The following UBAC2 variants were observed in gnomAD, a reference collection of about 807,000 sequenced individuals.
UBAC2 encodes ubiquitin-associated domain-containing protein 2.
Under a neutral mutation model 44.0 loss-of-function variants are expected in UBAC2, and 26 were observed. The observed-to-expected ratio is 0.59, with a 90% CI of 0.43 to 0.82. The LOEUF is 0.82. UBAC2 is among the 40% of genes least tolerant of loss of function. UBAC2 has a pLI of 0.00. For synonymous variants in UBAC2, 155 were observed against 154.3 expected (o/e 1.00, Z -0.04); for missense variants, 329 against 419.4 (o/e 0.78, Z 1.88).
At chr13:99,227,744 G>A (rs2043126767) in intron 1 of UBAC2, among the ~76,000 whole-genome samples, 1 of 152,200 alleles carries the variant, frequency 6.6e-6, no homozygotes, top group African/African-American at 2.4e-5. Flanking sequence ...TTATTGCTGT[G>A]CCTCAGGACC....
At chr13:99,357,466 TTC>T (rs2045204061) in intron 7 of UBAC2, among the ~76,000 whole-genome samples, 1 of 152,248 alleles carries the variant, frequency 6.6e-6, no homozygotes, top group Non-Finnish European at 1.5e-5. Context: ...AATTAGTCAT[TTC>T]TCTGTGTCAC....
At chr13:99,250,909 G>T (rs745382033) in intron 4 of UBAC2, among the ~76,000 whole-genome samples, 1 of 152,002 alleles carries the variant, frequency 6.6e-6, no homozygotes, top group Non-Finnish European at 1.5e-5. Context: ...ACCATGCCTG[G>T]CTACTTTCTT....
intron 7 of UBAC2, among the ~76,000 whole-genome samples, chr13:99,341,902 TTAGA>T (rs1327839556): frequency 2.0e-5 from 3 of 152,286 alleles, no homozygotes; most frequent in East Asian, 1.9e-4. Context: ...CTAGATAATC[TTAGA>T]TAGATGACTG....
At chr13:99,361,737 C>T (rs2138881511) in intron 7 of UBAC2, among the ~76,000 whole-genome samples, 1 of 152,324 alleles carries the variant, frequency 6.6e-6, no homozygotes, top group African/African-American at 2.4e-5. Flanking sequence ...TCCCCCCTCC[C>T]CTCCTTCACA....
chr13:99,345,741 CTTTTT>C (rs766632532), intron 7 of UBAC2, among the ~76,000 whole-genome samples: 5 of 130,928 alleles, frequency 3.8e-5, no homozygotes, highest in Non-Finnish European at 5.0e-5. Flanking sequence ...TTTTTTCTTT[CTTTTT>C]TTTTTTTTTT....
chr13:99,275,404 G>A (rs2043869142), intron 4 of UBAC2, among the ~76,000 whole-genome samples: 1 of 152,164 alleles, frequency 6.6e-6, no homozygotes, highest in Non-Finnish European at 1.5e-5. Flanking sequence ...CAGATGTGTG[G>A]TGATATATTT....
intron 4 of UBAC2, among the ~76,000 whole-genome samples, chr13:99,284,177 A>T (rs1309079743): frequency 6.6e-6 from 1 of 152,266 alleles, no homozygotes; most frequent in African/African-American, 2.4e-5. Context: ...ATATGATTGT[A>T]TTCAAACTTT....
chr13:99,201,562 C>T (rs369776304), intron 1 of UBAC2: 8 of 1,613,794 alleles, frequency 5.0e-6, no homozygotes, highest in African/African-American at 1.3e-5. Flanking sequence ...TAGCGGTGGT[C>T]AGCAGGTAGG....
At chr13:99,337,644 A>AT (rs1228294704) in intron 6 of UBAC2, among the ~76,000 whole-genome samples, 1 of 152,096 alleles carries the variant, frequency 6.6e-6, no homozygotes. Context: ...CCTTTCCCCC[A>AT]TATTCCCTCT....
At chr13:99,246,934 C>G (rs935961166) in intron 4 of UBAC2, among the ~76,000 whole-genome samples, 1 of 152,114 alleles carries the variant, frequency 6.6e-6, no homozygotes, top group African/African-American at 2.4e-5. Context: ...CAAACATAGA[C>G]TTTTTGGAAC....
intron 1 of UBAC2, among the ~76,000 whole-genome samples, chr13:99,229,660 T>C (rs981948456): frequency 1.1e-4 from 16 of 152,224 alleles, no homozygotes; most frequent in Admixed American, 2.0e-4. Context: ...AAAATGACCG[T>C]GCAAGTTGAA....
chr13:99,357,055 T>A (rs2045196230), intron 7 of UBAC2, among the ~76,000 whole-genome samples: 1 of 152,238 alleles, frequency 6.6e-6, no homozygotes, highest in Non-Finnish European at 1.5e-5. Flanking sequence ...TATGTTTTGG[T>A]CAATGACAGA....
chr13:99,243,908 A>G lies in UBAC2; in HGVS notation c.236A>G (p.Asn79Ser), dbSNP rs1394449627. The G allele has an allele frequency of 6.4e-7, 1 of 1,552,494 alleles. No homozygotes were observed. The highest frequency in any genetic ancestry group is 2.0e-5 in the Admixed American group (1 of 49,526). Reference protein sequence around the residue: ...DTFCSSLLIYNFRIFERRYGS... With the variant: ...DTFCSSLLIYSFRIFERRYGS... ...TTCTGCAGTAGTCTGCTTATTTATA[A>G]TTTTAGGATATTTGAAAGAAGATAT... Residue 79 changes from asparagine (N) to serine (S), a missense_variant, in exon 3 of 9, where the codon AAT (asparagine) becomes AGT (serine). Coordinates refer to ENST00000403766, the MANE Select transcript of UBAC2 (RefSeq NM_001144072.2).
At chr13:99,233,947 T>C (rs1240569652) in intron 1 of UBAC2, among the ~76,000 whole-genome samples, 2 of 152,096 alleles carry the variant, frequency 1.3e-5, no homozygotes, top group African/African-American at 4.8e-5. Flanking sequence ...CTTTTGATAC[T>C]ATGAATATTA....
rs1300569209 is a variant in UBAC2, at chr13:99,386,150, G to A, written c.*815G>A. 1 of 152,252 alleles carries A rather than the reference G, an allele frequency of 6.6e-6. No homozygotes were observed. Among genetic ancestry groups the A allele is most frequent in the Non-Finnish European group, 1.5e-5 (1 of 68,080 alleles). The allele number at this position is 152,252 out of a possible 1,614,324, so 9.4% of individuals were successfully genotyped here. ...CTCCCTGTGGCAGGGCTAACTGCCT[G>A]GCCCTCCTGGCTCGCAGCCAGCCAG... On this transcript the variant is annotated 3_prime_UTR_variant, in exon 9 of 9. Transcript: ENST00000403766.
chr13:99,261,854 G>T (rs1177321896), intron 4 of UBAC2: 1 of 152,238 alleles, frequency 6.6e-6, no homozygotes, highest in Non-Finnish European at 1.5e-5. Context: ...GTTACCAGAG[G>T]TGCAAATGGA....
chr13:99,330,332 G>T (rs2044697560), intron 6 of UBAC2, among the ~76,000 whole-genome samples: 1 of 151,570 alleles, frequency 6.6e-6, no homozygotes, highest in Non-Finnish European at 1.5e-5. Flanking sequence ...GGTGGCGGAT[G>T]CCTGTAATCC....
chr13:99,349,530 C>G (rs188256177), intron 7 of UBAC2, among the ~76,000 whole-genome samples: 6 of 152,226 alleles, frequency 3.9e-5, no homozygotes, highest in Non-Finnish European at 8.8e-5. Context: ...CATACAAGAC[C>G]GGGGGTCAGG....
intron 4 of UBAC2, among the ~76,000 whole-genome samples, chr13:99,249,295 G>A (rs1180348082): frequency 6.6e-6 from 1 of 151,972 alleles, no homozygotes; most frequent in Non-Finnish European, 1.5e-5. Flanking sequence ...TGTGGCATTT[G>A]ATTTTCTGTT....
Sources: allele counts gnomAD v4.1 joint callset (sites outside exome capture counted in the v4.1 genomes callset), GRCh38; gene constraint gnomAD v4.1.1; transcripts MANE v1.5; gene names NCBI Gene and HGNC (gene_info 2026-07-23, HGNC 2026-07-21).